Variants in PGM5 observed in about 807,000 individuals in gnomAD.
The protein encoded by PGM5 is phosphoglucomutase 5.
Under a neutral mutation model 59.2 loss-of-function variants are expected in PGM5, and 23 were observed. The observed-to-expected ratio is 0.39, with a 90% CI of 0.28 to 0.55. PGM5 has a LOEUF of 0.55. Ranked by LOEUF, PGM5 falls within the 20% of genes least tolerant of loss-of-function variation. PGM5 has a pLI of 0.66. For synonymous variants in PGM5, 214 were observed against 286.0 expected (o/e 0.75, Z 2.54); for missense variants, 574 against 748.3 (o/e 0.77, Z 2.72).
chr9:68,452,978 T>C (rs1308132311), intron 6 of PGM5, among the ~76,000 whole-genome samples: 1 of 152,200 alleles, frequency 6.6e-6, no homozygotes, highest in African/African-American at 2.4e-5. Context: ...AGGAGTAAAT[T>C]CCCTTGGACC....
intron 2 of PGM5, among the ~76,000 whole-genome samples, chr9:68,380,704 T>TA (rs1202980674): frequency 4.6e-5 from 7 of 151,650 alleles, no homozygotes; most frequent in Non-Finnish European, 1.0e-4. Context: ...CTAGATTCAC[T>TA]AAAAAAAGCA....
At chr9:68,470,107 C>A (rs782035898) in intron 7 of PGM5, among the ~76,000 whole-genome samples, 6 of 152,140 alleles carry the variant, frequency 3.9e-5, no homozygotes, top group Non-Finnish European at 8.8e-5. Context: ...TAGCTAACAA[C>A]ATGCTTCTAG....
chr9:68,490,539 A>G (rs111765167), intron 9 of PGM5, among the ~76,000 whole-genome samples: 2,458 of 151,966 alleles, frequency 0.016, 67 homozygotes, highest in African/African-American at 0.055. Context: ...ATTTTTAGTA[A>G]AGACAGGGTT....
intron 6 of PGM5, among the ~76,000 whole-genome samples, chr9:68,418,265 G>A (rs1823069657): frequency 6.6e-6 from 1 of 152,136 alleles, no homozygotes. Context: ...CAACTAGAAT[G>A]TTGTTGTATT....
intron 6 of PGM5, among the ~76,000 whole-genome samples, chr9:68,448,295 C>T (rs537208382): frequency 8.5e-5 from 13 of 152,272 alleles, no homozygotes; most frequent in African/African-American, 2.4e-4. Flanking sequence ...GCAGTAGCAA[C>T]GCTCTTCCCA....
At chr9:68,366,448 C>T (rs62551278) in intron 1 of PGM5, among the ~76,000 whole-genome samples, 32,884 of 124,150 alleles carry the variant, frequency 0.26, 1,010 homozygotes, top group Admixed American at 0.33. Context: ...TTGTGTGTAA[C>T]GTAATCCTGC....
chr9:68,431,289 T>C (rs1277436177), intron 6 of PGM5, among the ~76,000 whole-genome samples: 3 of 152,208 alleles, frequency 2.0e-5, no homozygotes, highest in African/African-American at 7.2e-5. Context: ...GTATTCTGTT[T>C]TTCTAGTCCT....
At chr9:68,500,019 C>G (rs1824545700) in intron 10 of PGM5, among the ~76,000 whole-genome samples, 1 of 152,194 alleles carries the variant, frequency 6.6e-6, no homozygotes, top group Admixed American at 6.5e-5. Flanking sequence ...AAATGACTCA[C>G]TTTAATGTTG....
intron 6 of PGM5, among the ~76,000 whole-genome samples, chr9:68,401,421 G>C (rs1456700353): frequency 1.3e-5 from 2 of 151,980 alleles, no homozygotes; most frequent in African/African-American, 4.8e-5. Context: ...ATTCTGTCTC[G>C]GGAAGGGCAT....
intron 7 of PGM5, among the ~76,000 whole-genome samples, chr9:68,468,952 C>T (rs1297579397): frequency 6.6e-6 from 1 of 152,238 alleles, no homozygotes; most frequent in African/African-American, 2.4e-5. Context: ...GACTCTTGCT[C>T]TGTCACCCAG....
chr9:68,381,405 C>T (rs1328825025), intron 2 of PGM5, among the ~76,000 whole-genome samples: 3 of 151,744 alleles, frequency 2.0e-5, no homozygotes, highest in Non-Finnish European at 4.4e-5. Flanking sequence ...ATAAGAAACC[C>T]ACAGCTAACA....
In PGM5 at chr9:68,522,142, C is replaced by A. The variant is rs142695635; in HGVS notation, c.1615-7425C>A. 2.9e-3 allele frequency among the ~76,000 whole-genome samples: 449 copies of A among 152,276 alleles called. 3 individuals carry two copies. Among genetic ancestry groups the A allele is most frequent in the Non-Finnish European group, 4.7e-3 (319 of 68,024 alleles). Reference sequence around the variant, plus strand: ...TGGTGGTGTGCACCTGTAATCCCAGCTACTCAGGAGGCTGGGGCAGTAGAA... The same window carrying A: ...TGGTGGTGTGCACCTGTAATCCCAGATACTCAGGAGGCTGGGGCAGTAGAA... On this transcript the variant is annotated intron_variant, in intron 10 of 10. Coordinates refer to ENST00000396396, the MANE Select transcript of PGM5 (RefSeq NM_021965.4).
intron 1 of PGM5, among the ~76,000 whole-genome samples, chr9:68,370,946 A>C (rs562169881): frequency 2.0e-5 from 3 of 152,208 alleles, no homozygotes; most frequent in African/African-American, 7.2e-5. Context: ...TGTGTTTGGG[A>C]ATGCATATGC....
intron 2 of PGM5, 151 bp from the exon 3 acceptor site, chr9:68,384,247 A>C: frequency 1.6e-6 from 1 of 613,938 alleles, no homozygotes; most frequent in Non-Finnish European, 3.0e-6. Flanking sequence ...ACAGTATAAG[A>C]AATATCAAGG....
intron 1 of PGM5, among the ~76,000 whole-genome samples, chr9:68,364,418 G>A (rs1563980656): frequency 6.6e-6 from 1 of 152,204 alleles, no homozygotes; most frequent in Non-Finnish European, 1.5e-5. Flanking sequence ...TTCTTTCCTG[G>A]AATGGATCTG....
chr9:68,491,916 T>C (rs1437274470), intron 9 of PGM5, among the ~76,000 whole-genome samples: 1 of 152,208 alleles, frequency 6.6e-6, no homozygotes, highest in East Asian at 1.9e-4. Context: ...ATCTCCCTGT[T>C]TCTGGTTAAC....
intron 6 of PGM5, among the ~76,000 whole-genome samples, chr9:68,450,173 T>C (rs1823673524): frequency 6.6e-6 from 1 of 152,214 alleles, no homozygotes; most frequent in South Asian, 2.1e-4. Flanking sequence ...CATATGTTAA[T>C]TGATCATTGT....
At chr9:68,397,382 C>G (rs1822538281) in intron 6 of PGM5, 1 of 152,304 alleles carries the variant, frequency 6.6e-6, no homozygotes, top group Admixed American at 6.5e-5. Context: ...AAGCCCTATT[C>G]ACTAGACATA....
chr9:68,449,274 A>G (rs1304749384), intron 6 of PGM5, among the ~76,000 whole-genome samples: 2 of 152,234 alleles, frequency 1.3e-5, no homozygotes, highest in Non-Finnish European at 2.9e-5. Context: ...TTTAGTCTAT[A>G]GCCCTGGGGC....
Sources: gnomAD v4.1 joint callset for allele counts (sites outside exome capture counted in the v4.1 genomes callset) on GRCh38, gnomAD v4.1.1 for gene constraint, MANE v1.5 for transcripts, NCBI Gene and HGNC (gene_info 2026-07-23, HGNC 2026-07-21) for gene names.